PRKCE: variants seen among roughly 807,000 people sequenced by gnomAD.
The protein encoded by PRKCE is protein kinase C epsilon.
Under a neutral mutation model 85.4 loss-of-function variants are expected in PRKCE, and 16 were observed. That is an observed-to-expected ratio of 0.19 (90% CI 0.13 to 0.28). The LOEUF (loss-of-function observed/expected upper bound fraction) is 0.28. PRKCE is among the 10% of genes least tolerant of loss of function. PRKCE has a pLI of 1.00. For missense variants in PRKCE, 573 were observed against 975.2 expected (o/e 0.59, Z 5.49); for synonymous variants, 388 against 371.5 (o/e 1.04, Z -0.51).
intron 2 of PRKCE, among the ~76,000 whole-genome samples, chr2:45,960,035 C>T (rs999676619): frequency 1.1e-4 from 17 of 152,122 alleles, no homozygotes; most frequent in African/African-American, 4.1e-4. Context: ...TTTTTCACAT[C>T]GTTTTTTCAT....
intron 6 of PRKCE, among the ~76,000 whole-genome samples, chr2:45,993,975 G>T (rs564080563): frequency 7.2e-5 from 11 of 151,842 alleles, no homozygotes; most frequent in African/African-American, 2.7e-4. Context: ...TGGGCATCTT[G>T]GGTTCAGTAG....
chr2:45,862,205 C>T (rs1012715200), intron 2 of PRKCE, among the ~76,000 whole-genome samples: 2 of 151,870 alleles, frequency 1.3e-5, no homozygotes, highest in African/African-American at 4.8e-5. Context: ...CACACACACA[C>T]ACACACACAC....
chr2:46,183,438 A>C (rs796115001), intron 14 of PRKCE, among the ~76,000 whole-genome samples: 19 of 152,378 alleles, frequency 1.2e-4, no homozygotes, highest in African/African-American at 4.6e-4. Flanking sequence ...TCTTTCCACA[A>C]GATTTATTCC....
intron 1 of PRKCE, among the ~76,000 whole-genome samples, chr2:45,830,135 T>C (rs1573525480): frequency 6.6e-6 from 1 of 151,736 alleles, no homozygotes; most frequent in African/African-American, 2.4e-5. Context: ...TATAATGGTT[T>C]GGGGAGAACT....
At chr2:45,703,608 T>C (rs1161947366) in intron 1 of PRKCE, among the ~76,000 whole-genome samples, 1 of 152,116 alleles carries the variant, frequency 6.6e-6, no homozygotes, top group African/African-American at 2.4e-5. Context: ...CACCTTTTTT[T>C]TGGAGTCTCC....
At chr2:45,752,575 T>G (rs985997787) in intron 1 of PRKCE, among the ~76,000 whole-genome samples, 1 of 152,134 alleles carries the variant, frequency 6.6e-6, no homozygotes, top group Non-Finnish European at 1.5e-5. Context: ...TCCTCATCTA[T>G]AAATCTGAGA....
At position 46,004,188 on chromosome 2, in the gene PRKCE, C is replaced by T; in HGVS notation, c.967-354C>T. The T allele has an allele frequency of 3.1e-6, 1 of 318,860 alleles. No individual in the cohort carries two copies. Among genetic ancestry groups the T allele is most frequent in the Non-Finnish European group, 6.2e-6 (1 of 162,530 alleles). 19.8% of individuals were successfully genotyped at this position (318,860 alleles called of 1,614,324 possible). The stretch of plus-strand genomic sequence containing the variant: ...CTGGACTACTTTTCCAGCTTGCTAA[C>T]CTTTATGGTGTCCTCGCACAACCCG... On this transcript the variant is annotated intron_variant, in intron 7 of 14. Transcript: ENST00000306156. This position sits in a 1 kb window ranked among gnomAD's most constrained non-coding sequence, Gnocchi z 4.1.
intron 10 of PRKCE, among the ~76,000 whole-genome samples, chr2:46,032,817 G>A (rs2104955605): frequency 6.6e-6 from 1 of 152,342 alleles, no homozygotes; most frequent in South Asian, 2.1e-4. Flanking sequence ...TCCAAGGTGT[G>A]TGCTTTTGGG....
intron 2 of PRKCE, among the ~76,000 whole-genome samples, chr2:45,901,607 A>G (rs1392483708): frequency 6.6e-6 from 1 of 152,352 alleles, no homozygotes; most frequent in East Asian, 1.9e-4. Context: ...TTTATAATTC[A>G]CCTGAGATGG....
At chr2:45,918,513 C>T (rs888632854) in intron 2 of PRKCE, among the ~76,000 whole-genome samples, 14 of 152,134 alleles carry the variant, frequency 9.2e-5, no homozygotes, top group African/African-American at 3.4e-4. Flanking sequence ...AGGGCCAGAA[C>T]AGAAAAGGGT....
rs1372740211 is a variant in PRKCE, at chr2:46,139,409, TAC to T, written c.1593-5683_1593-5682del. The stretch of plus-strand genomic sequence containing the variant: ...GATATAACGGAAGAAAGCCCCCATT[TAC>T]CAGAAGAATTTAAAATATAAAATAA... On this transcript the variant is annotated intron_variant, in intron 11 of 14. Coordinates refer to ENST00000306156, the MANE Select transcript of PRKCE (RefSeq NM_005400.3). This position sits in a 1 kb window ranked among gnomAD's most constrained non-coding sequence, Gnocchi z 5.2. Among the ~76,000 whole-genome samples the T allele has an allele frequency of 6.6e-6, 1 of 152,184 alleles. No individual in the cohort carries two copies. Among genetic ancestry groups the T allele is most frequent in the African/African-American group, 2.4e-5 (1 of 41,454 alleles).
At chr2:45,794,845 A>T (rs866642103) in intron 1 of PRKCE, among the ~76,000 whole-genome samples, 4 of 122,554 alleles carry the variant, frequency 3.3e-5, no homozygotes, top group Admixed American at 9.2e-5. Flanking sequence ...TTATTGCCCT[A>T]CCCCCCCCCC....
intron 14 of PRKCE, among the ~76,000 whole-genome samples, chr2:46,162,210 C>T (rs916614726): frequency 1.3e-5 from 2 of 152,064 alleles, no homozygotes; most frequent in African/African-American, 4.8e-5. Context: ...AGGAGTCCAC[C>T]TCTGCCTGGA....
At chr2:46,177,050 G>C (rs1679495993) in intron 14 of PRKCE, among the ~76,000 whole-genome samples, 1 of 152,198 alleles carries the variant, frequency 6.6e-6, no homozygotes, top group South Asian at 2.1e-4. Flanking sequence ...GAATCATGGT[G>C]ATCTTGACAG....
chr2:45,932,483 G>C (rs72802821), intron 2 of PRKCE, among the ~76,000 whole-genome samples: 4,580 of 152,228 alleles, frequency 0.03, 118 homozygotes, highest in East Asian at 0.11. Flanking sequence ...AGATACTGTC[G>C]GTGTTCCAGA....
At chr2:45,974,437 G>T (rs1234036821) in intron 2 of PRKCE, among the ~76,000 whole-genome samples, 5 of 152,118 alleles carry the variant, frequency 3.3e-5, no homozygotes, top group African/African-American at 1.2e-4. Flanking sequence ...GTGGGCTAGG[G>T]GTCAAGAAGC....
intron 2 of PRKCE, among the ~76,000 whole-genome samples, chr2:45,882,730 A>G (rs573877362): frequency 2.0e-4 from 31 of 152,376 alleles, no homozygotes; most frequent in African/African-American, 7.5e-4. Context: ...GGGAACAGAA[A>G]GGAGCCTGCC....
intron 14 of PRKCE, among the ~76,000 whole-genome samples, chr2:46,183,995 A>G (rs1680248950): frequency 6.6e-6 from 1 of 152,088 alleles, no homozygotes; most frequent in Admixed American, 6.5e-5. Context: ...GTACCTTGGG[A>G]ACTTCAACCC....
chr2:45,810,977 A>G (rs1688616803), intron 1 of PRKCE, among the ~76,000 whole-genome samples: 1 of 152,192 alleles, frequency 6.6e-6, no homozygotes, highest in African/African-American at 2.4e-5. Flanking sequence ...TGACGAGGTG[A>G]TAATGGAGAG....
Sources: gnomAD v4.1 joint callset for allele counts (sites outside exome capture counted in the v4.1 genomes callset) on GRCh38, gnomAD v4.1.1 for gene constraint, Gnocchi (gnomAD v3.1) non-coding constraint, MANE v1.5 for transcripts, NCBI Gene and HGNC (gene_info 2026-07-23, HGNC 2026-07-21) for gene names.